Variants in FAM124B observed in about 807,000 individuals in gnomAD.
FAM124B encodes protein FAM124B.
Under a neutral mutation model 19.7 loss-of-function variants are expected in FAM124B, and 18 were observed. That is an observed-to-expected ratio of 0.92 (90% confidence interval 0.63 to 1.36). FAM124B has a LOEUF of 1.36. FAM124B is among the 40% of genes most tolerant of loss of function. FAM124B has a pLI of 0.00. For synonymous variants in FAM124B, 223 were observed against 225.2 expected (o/e 0.99, Z 0.09); for missense variants, 540 against 553.3 (o/e 0.98, Z 0.24).
At position 224,379,547 on chromosome 2, in the gene FAM124B, T is replaced by C; in HGVS notation, c.*26A>G. 2 of 1,497,224 alleles carry C rather than the reference T, an allele frequency of 1.3e-6. No homozygotes were observed. The highest frequency in any genetic ancestry group is 1.8e-6 in the Non-Finnish European group (2 of 1,122,930). 92.7% of individuals were successfully genotyped at this position (1,497,224 alleles called of 1,614,324 possible). On this transcript the variant is annotated 3_prime_UTR_variant, in exon 2 of 2. Coordinates refer to ENST00000409685, the MANE Select transcript of FAM124B (RefSeq NM_001122779.2). ...CTAGAACATTTTATCTGATCTTGTG[T>C]TTTAGAAAACCACATTTATTTTATG...
At chr2:224,380,273 CTATGCCT>C in intron 1 of FAM124B, 65 bp from the exon 2 acceptor site, 1 of 1,411,220 alleles carries the variant, frequency 7.1e-7, no homozygotes, top group Non-Finnish European at 9.5e-7. Context: ...CAAGAGCTGA[CTATGCCT>C]TATTCACCCT....
rs372817764 is a variant in FAM124B, at chr2:224,385,551, T to C, written c.733-5343A>G. On this transcript the variant is annotated intron_variant, in intron 1 of 1. Coordinates refer to ENST00000409685, the MANE Select transcript of FAM124B (RefSeq NM_001122779.2). Reference sequence around the variant, plus strand: ...TCTAAATGATGAAGGCTCCCAAAAGTGTAACTACACCTCAGATCTGTCCCT... The same window carrying C: ...TCTAAATGATGAAGGCTCCCAAAAGCGTAACTACACCTCAGATCTGTCCCT... Among the ~76,000 whole-genome samples, 28 of 152,294 alleles carry C rather than the reference T, an allele frequency of 1.8e-4. No individual in the cohort carries two copies. In the East Asian group the frequency reaches 3.3e-3, roughly 18 times the overall value.
In FAM124B at chr2:224,379,719, T is replaced by G; in HGVS notation, c.1222A>C (p.Asn408His). The G allele has an allele frequency of 6.4e-7, 1 of 1,551,712 alleles. No homozygotes were observed. Among genetic ancestry groups the G allele is most frequent in the Non-Finnish European group, 8.7e-7 (1 of 1,146,988 alleles). Reference protein sequence around the residue: ...SSLGVATSKNNSVLKERVSPL... With the variant: ...SSLGVATSKNHSVLKERVSPL... The stretch of plus-strand genomic sequence containing the variant: ...GAGACTCTTTCCTTAAGGACACTGT[T>G]GTTTTTGGAGGTAGCCACCCCCAAG... Residue 408 changes from asparagine to histidine, a missense_variant, in exon 2 of 2, where the codon AAC becomes CAC. Transcript: ENST00000409685.
Position 224,379,338 on chromosome 2 carries a change from T to G in FAM124B, c.*235A>C. 3.9e-6 allele frequency: 2 copies of G among 512,278 alleles called. No homozygotes were observed. Among genetic ancestry groups the G allele is most frequent in the Non-Finnish European group, 3.3e-6 (1 of 305,458 alleles). The allele number at this position is 512,278 out of a possible 1,614,324, so 31.7% of individuals were successfully genotyped here. On this transcript the variant is annotated 3_prime_UTR_variant, in exon 2 of 2. Transcript: ENST00000409685. Reference sequence around the variant, plus strand: ...AGTGCATCTCCACGGAACAAAAGCATTCGGTTTTTTTCCCTGTGTGTTGGC... The same window carrying G: ...AGTGCATCTCCACGGAACAAAAGCAGTCGGTTTTTTTCCCTGTGTGTTGGC...
intron 1 of FAM124B, among the ~76,000 whole-genome samples, chr2:224,385,253 T>G (rs928622900): frequency 9.2e-5 from 14 of 152,212 alleles, no homozygotes; most frequent in African/African-American, 3.4e-4. Flanking sequence ...TCAGCCCTCC[T>G]GTCATTCATT....
intron 1 of FAM124B, among the ~76,000 whole-genome samples, chr2:224,390,205 G>T (rs1400414558): frequency 1.2e-4 from 18 of 150,806 alleles, no homozygotes; most frequent in Non-Finnish European, 2.5e-4. Context: ...TAAAAGAACT[G>T]GGTTATGACG....
rs1368022541 is a variant in FAM124B at position 224,390,158 on chromosome 2, C to CACACACACACACAG, written c.733-9951_733-9950insCTGTGTGTGTGTGT. Among the ~76,000 whole-genome samples, 59 of 145,372 alleles carry CACACACACACACAG rather than the reference C, an allele frequency of 4.1e-4. 1 individual carries two copies. Among genetic ancestry groups the CACACACACACACAG allele is most frequent in the African/African-American group, 1.2e-3 (45 of 39,018 alleles). ...ACACACACACACACACACACACACA[C>CACACACACACACAG]AGAAAAGGAATAGTCAGAGAGAATG... On this transcript the variant is annotated intron_variant, in intron 1 of 1. Transcript: ENST00000409685.
chr2:224,381,677 A>G (rs1317244890), intron 1 of FAM124B, among the ~76,000 whole-genome samples: 1 of 152,044 alleles, frequency 6.6e-6, no homozygotes, highest in Non-Finnish European at 1.5e-5. Flanking sequence ...AATGTACCCT[A>G]TGGGCTTTGG....
chr2:224,392,923 A>G (rs1689911237), intron 1 of FAM124B, among the ~76,000 whole-genome samples: 1 of 152,224 alleles, frequency 6.6e-6, no homozygotes, highest in Admixed American at 6.5e-5. Context: ...AATTGTTAAA[A>G]TATAATAAAA....
intron 1 of FAM124B, among the ~76,000 whole-genome samples, chr2:224,384,322 C>G (rs1452309860): frequency 1.3e-5 from 2 of 152,216 alleles, no homozygotes; most frequent in Non-Finnish European, 2.9e-5. Context: ...TCCCTGTCAG[C>G]CCCTCCCATC....
rs759472745 is a variant in FAM124B at position 224,401,660 on chromosome 2, G to A, written c.109C>T (p.Pro37Ser). ...GACACCTGAAAGAGCCGGACCTCTG[G>A]GCAAATGCAATCCAGGAGCTGGTCC... ...TLDQLLDCICPEVRLFQVSER... is the reference protein window; with the variant it reads ...TLDQLLDCICSEVRLFQVSER... The change falls in exon 1 of 2, where the codon CCA (proline) becomes TCA (serine). Residue 37 changes from proline (P) to serine (S), a missense_variant. Physicochemically the swap from Pro to Ser is moderately conservative, Grantham distance 74 (BLOSUM62 -1). Coordinates refer to ENST00000409685, the MANE Select transcript of FAM124B (RefSeq NM_001122779.2). 73 of 1,614,064 alleles carry A rather than the reference G, an allele frequency of 4.5e-5. No individual in the cohort carries two copies. The highest frequency in any genetic ancestry group is 5.7e-5 in the Non-Finnish European group (67 of 1,180,054).
chr2:224,392,031 T>C (rs1377574587), intron 1 of FAM124B, among the ~76,000 whole-genome samples: 1 of 152,232 alleles, frequency 6.6e-6, no homozygotes, highest in Non-Finnish European at 1.5e-5. Context: ...AGGTAACATA[T>C]GTTGTAATCT....
At chr2:224,386,591 A>T (rs1689803688) in intron 1 of FAM124B, among the ~76,000 whole-genome samples, 1 of 152,128 alleles carries the variant, frequency 6.6e-6, no homozygotes, top group Admixed American at 6.5e-5. Context: ...ACTAGCTCTC[A>T]CAGCGCAGTC....
chr2:224,383,934 T>C (rs1434585319), intron 1 of FAM124B, among the ~76,000 whole-genome samples: 1 of 152,264 alleles, frequency 6.6e-6, no homozygotes, highest in Non-Finnish European at 1.5e-5. Flanking sequence ...TTATCCAATC[T>C]GGAGAAAGAA....
chr2:224,388,331 T>C (rs1689829719), intron 1 of FAM124B, among the ~76,000 whole-genome samples: 1 of 152,194 alleles, frequency 6.6e-6, no homozygotes, highest in South Asian at 2.1e-4. Context: ...CATCCTTGGA[T>C]AAGGAATAGT....
At chr2:224,400,181 C>G (rs560134991) in intron 1 of FAM124B, 46 of 312,998 alleles carry the variant, frequency 1.5e-4, no homozygotes, top group Non-Finnish European at 2.4e-4. Context: ...ATGGGTGCAA[C>G]AAACCAATAT....
chr2:224,379,490 T>C lies in FAM124B; in HGVS notation c.*83A>G. ...ATTCAGCCCCCCTCAGATGAACAAC[T>C]AACAGGCTGATTCTGGGTCAGTACT... On this transcript the variant is annotated 3_prime_UTR_variant, in exon 2 of 2. Coordinates refer to ENST00000409685, the MANE Select transcript of FAM124B (RefSeq NM_001122779.2). 6.9e-7 allele frequency: 1 copy of C among 1,451,262 alleles called. No homozygotes were observed. The highest frequency in any genetic ancestry group is 9.1e-7 in the Non-Finnish European group (1 of 1,102,668). 89.9% of individuals were successfully genotyped at this position (1,451,262 alleles called of 1,614,324 possible).
intron 1 of FAM124B, among the ~76,000 whole-genome samples, chr2:224,395,222 G>A (rs1689951529): frequency 6.6e-6 from 1 of 151,958 alleles, no homozygotes; most frequent in African/African-American, 2.4e-5. Context: ...TGCATCAGCA[G>A]GTGAATCAGG....
chr2:224,380,466 G>T lies in FAM124B; in HGVS notation c.733-258C>A, dbSNP rs144467311. Among the ~76,000 whole-genome samples, 1,437 of 152,240 alleles carry T rather than the reference G, an allele frequency of 9.4e-3. 27 individuals are homozygous for T. Among genetic ancestry groups the T allele is most frequent in the African/African-American group, 0.033 (1,368 of 41,528 alleles). On this transcript the variant is annotated intron_variant, in intron 1 of 1. Transcript: ENST00000409685. ...GACTTTGGGAATCAAATGGCCAATT[G>T]ACAACACCACACTTCTGGTAGAGCA...
Sources: allele counts gnomAD v4.1 joint callset (sites outside exome capture counted in the v4.1 genomes callset), GRCh38; gene constraint gnomAD v4.1.1; transcripts MANE v1.5; gene names NCBI Gene and HGNC (gene_info 2026-07-23, HGNC 2026-07-21).